Variants in SNTG1 observed in about 807,000 individuals in gnomAD.
SNTG1 encodes syntrophin gamma 1.
A neutral mutation model predicts 74.7 loss-of-function variants in SNTG1; 39 were observed. The observed-to-expected ratio is 0.52, with a 90% CI of 0.40 to 0.68. The LOEUF (loss-of-function observed/expected upper bound fraction) is 0.68. Among genes scored for constraint, SNTG1 ranks in the 30% least tolerant of loss-of-function variants. The probability of loss-of-function intolerance (pLI) is 0.00; values close to 1 mark genes in which losing one functional copy is unlikely to be tolerated. For missense variants in SNTG1, 685 were observed against 609.5 expected (o/e 1.12, Z -1.30); for synonymous variants, 254 against 217.1 (o/e 1.17, Z -1.49).
At chr8:50,179,898 C>T (rs1161439939) in intron 2 of SNTG1, among the ~76,000 whole-genome samples, 1 of 152,170 alleles carries the variant, frequency 6.6e-6, no homozygotes, top group Non-Finnish European at 1.5e-5. Context: ...AAAAACAGAA[C>T]TACTGTATGA....
At chr8:50,220,198 A>C (rs2084994784) in intron 2 of SNTG1, among the ~76,000 whole-genome samples, 1 of 152,150 alleles carries the variant, frequency 6.6e-6, no homozygotes, top group South Asian at 2.1e-4. Flanking sequence ...CACATGAAAT[A>C]TGAAGATAGA....
intron 1 of SNTG1, among the ~76,000 whole-genome samples, chr8:50,040,021 A>G (rs1818502166): frequency 6.6e-6 from 1 of 152,162 alleles, no homozygotes; most frequent in African/African-American, 2.4e-5. Context: ...TGGACGCCAC[A>G]GAGTTGATGA....
At chr8:50,779,760 G>A (rs1458319948) in intron 18 of SNTG1, among the ~76,000 whole-genome samples, 11 of 117,346 alleles carry the variant, frequency 9.4e-5, no homozygotes, top group African/African-American at 5.4e-4. Flanking sequence ...AGTGGTGAGA[G>A]AGGGCATCCT....
chr8:50,129,543 C>T (rs1214859705), intron 1 of SNTG1, among the ~76,000 whole-genome samples: 1 of 152,098 alleles, frequency 6.6e-6, no homozygotes, highest in Non-Finnish European at 1.5e-5. Flanking sequence ...CTATGGGTAA[C>T]AATTTTACCT....
chr8:49,927,551 G>A (rs936823697), intron 1 of SNTG1, among the ~76,000 whole-genome samples: 48 of 152,096 alleles, frequency 3.2e-4, no homozygotes, highest in African/African-American at 1.1e-3. Context: ...GGTACTAAGT[G>A]AAAGAAGCTA....
intron 2 of SNTG1, among the ~76,000 whole-genome samples, chr8:50,349,550 C>A (rs1431312700): frequency 6.6e-6 from 1 of 152,004 alleles, no homozygotes; most frequent in Non-Finnish European, 1.5e-5. Flanking sequence ...TTGGATTTTG[C>A]TAGCTGCACC....
chr8:50,002,433 G>C (rs865832789), intron 1 of SNTG1, among the ~76,000 whole-genome samples: 27 of 152,138 alleles, frequency 1.8e-4, no homozygotes, highest in Middle Eastern at 3.4e-3. Flanking sequence ...CTGTGAGTTG[G>C]TTTATATATT....
chr8:50,578,330 T>C (rs2094588464), intron 12 of SNTG1, among the ~76,000 whole-genome samples: 1 of 152,152 alleles, frequency 6.6e-6, no homozygotes, highest in South Asian at 2.1e-4. Flanking sequence ...AATTTCAGGG[T>C]GAATTAAAGG....
chr8:50,024,024 G>A (rs1403245093), intron 1 of SNTG1, among the ~76,000 whole-genome samples: 1 of 152,130 alleles, frequency 6.6e-6, no homozygotes, highest in African/African-American at 2.4e-5. Flanking sequence ...TACTGTCAGA[G>A]TTTCTGATTC....
chr8:50,792,914 A>T lies in SNTG1; in HGVS notation c.*85A>T. On this transcript the variant is annotated 3_prime_UTR_variant, in exon 19 of 19. Coordinates refer to ENST00000642720, the MANE Select transcript of SNTG1 (RefSeq NM_018967.5). ...CATTTTAGACCCTAGAGAAACCATAACATCACCAAGTCGACAGTGGAGGCA... is the reference window on the plus strand; with the variant it reads ...CATTTTAGACCCTAGAGAAACCATATCATCACCAAGTCGACAGTGGAGGCA... The T allele has an allele frequency of 7.1e-7, 1 of 1,400,700 alleles. No homozygotes were observed. Among genetic ancestry groups the T allele is most frequent in the Non-Finnish European group, 9.4e-7 (1 of 1,060,826 alleles). The allele number at this position is 1,400,700 out of a possible 1,614,324, so 86.8% of individuals were successfully genotyped here. A position where few individuals can be genotyped will look rare whatever the true frequency, so the allele number is the denominator to read the frequency against.
At chr8:50,625,222 G>A (rs1052994008) in intron 13 of SNTG1, among the ~76,000 whole-genome samples, 4 of 152,184 alleles carry the variant, frequency 2.6e-5, no homozygotes, top group African/African-American at 9.6e-5. Context: ...AGAACTACAT[G>A]GGTAGTTGTT....
intron 1 of SNTG1, among the ~76,000 whole-genome samples, chr8:50,170,009 T>G (rs1439322396): frequency 6.6e-6 from 1 of 152,182 alleles, no homozygotes; most frequent in Non-Finnish European, 1.5e-5. Context: ...GTGGTAAATA[T>G]GTAAACAGAA....
intron 18 of SNTG1, among the ~76,000 whole-genome samples, chr8:50,754,630 A>AATG (rs2131711553): frequency 6.6e-6 from 1 of 151,942 alleles, no homozygotes; most frequent in South Asian, 2.1e-4. Flanking sequence ...ATTAATTTTT[A>AATG]CTGATTTTTA....
At chr8:50,692,598 C>T (rs998392060) in intron 15 of SNTG1, among the ~76,000 whole-genome samples, 10 of 152,122 alleles carry the variant, frequency 6.6e-5, no homozygotes, top group Non-Finnish European at 4.4e-5. Flanking sequence ...GCTGCCTGAT[C>T]GTTCCTCTGG....
chr8:50,371,796 C>T (rs1246131296), intron 2 of SNTG1, among the ~76,000 whole-genome samples: 1 of 152,136 alleles, frequency 6.6e-6, no homozygotes, highest in Non-Finnish European at 1.5e-5. Flanking sequence ...TCATGTCCTA[C>T]TTCGTGTCTT....
chr8:50,147,610 A>G (rs952913871), intron 1 of SNTG1, among the ~76,000 whole-genome samples: 1 of 152,210 alleles, frequency 6.6e-6, no homozygotes, highest in Non-Finnish European at 1.5e-5. Context: ...AAATTGATTC[A>G]GCATTTTTTC....
At chr8:50,748,488 T>C (rs1350374986) in intron 17 of SNTG1, among the ~76,000 whole-genome samples, 1 of 152,064 alleles carries the variant, frequency 6.6e-6, no homozygotes, top group African/African-American at 2.4e-5. Flanking sequence ...TTGCTCTTCA[T>C]ATGACAGTGT....
chr8:50,361,528 T>C (rs1446416228), intron 2 of SNTG1, among the ~76,000 whole-genome samples: 7 of 152,192 alleles, frequency 4.6e-5, no homozygotes, highest in Non-Finnish European at 8.8e-5. Flanking sequence ...TGTTTAGAGA[T>C]AGGATCTCTC....
intron 4 of SNTG1, among the ~76,000 whole-genome samples, chr8:50,433,768 CTT>C (rs1347759776): frequency 2.6e-5 from 4 of 152,130 alleles, no homozygotes; most frequent in African/African-American, 7.2e-5. Context: ...TGTGAGATAA[CTT>C]TGTGTAAGAC....
Sources: gnomAD v4.1 joint callset for allele counts (sites outside exome capture counted in the v4.1 genomes callset) on GRCh38, gnomAD v4.1.1 for gene constraint, MANE v1.5 for transcripts, NCBI Gene and HGNC (gene_info 2026-07-23, HGNC 2026-07-21) for gene names.